Variants in LYPD6 observed in about 807,000 individuals in gnomAD.
LYPD6 encodes the protein LY6/PLAUR domain containing 6, also known as ly6/PLAUR domain-containing protein 6.
In LYPD6, 15 loss-of-function variants were observed where a neutral mutation model predicts 22.7. That is an observed-to-expected ratio of 0.66 (90% CI 0.44 to 1.02). The LOEUF is 1.02. LYPD6 is among the 50% of genes least tolerant of loss of function. The pLI is 0.00. For missense variants in LYPD6, 189 were observed against 208.4 expected, an observed-to-expected ratio of 0.91 and a Z score of 0.57; for synonymous variants, 72 against 77.5, an observed-to-expected ratio of 0.93 and a Z score of 0.37.
chr2:149,393,025 C>T (rs1283641549), intron 1 of LYPD6, among the ~76,000 whole-genome samples: 1 of 152,174 alleles, frequency 6.6e-6, no homozygotes, highest in East Asian at 1.9e-4. Context: ...GACTCCATCT[C>T]ACAAAGAAAG....
chr2:149,373,448 G>C (rs2105079878), intron 1 of LYPD6, among the ~76,000 whole-genome samples: 1 of 152,268 alleles, frequency 6.6e-6, no homozygotes. Context: ...CCAGGACTGT[G>C]TCCTGAGAAA....
At chr2:149,376,657 TA>T (rs1222217855) in intron 1 of LYPD6, among the ~76,000 whole-genome samples, 2 of 152,230 alleles carry the variant, frequency 1.3e-5, no homozygotes, top group African/African-American at 2.4e-5. Flanking sequence ...CTAATAAAAA[TA>T]TATTACTGGG....
chr2:149,386,832 A>G (rs1682197102), intron 1 of LYPD6, among the ~76,000 whole-genome samples: 1 of 152,184 alleles, frequency 6.6e-6, no homozygotes, highest in South Asian at 2.1e-4. Context: ...TACCTTCACT[A>G]CCTCTTGAGT....
At chr2:149,333,829 C>A (rs1479385939) in intron 1 of LYPD6, among the ~76,000 whole-genome samples, 5 of 152,240 alleles carry the variant, frequency 3.3e-5, no homozygotes, top group African/African-American at 1.2e-4. Flanking sequence ...CCAGATGTAA[C>A]ACAGATTGCA....
chr2:149,352,959 G>A (rs1054630616), intron 1 of LYPD6, among the ~76,000 whole-genome samples: 1 of 152,232 alleles, frequency 6.6e-6, no homozygotes, highest in Non-Finnish European at 1.5e-5. Flanking sequence ...GAGGAGGCCT[G>A]TCCACATGGA....
At chr2:149,444,659 T>G (rs1390213752) in intron 2 of LYPD6, among the ~76,000 whole-genome samples, 1 of 152,204 alleles carries the variant, frequency 6.6e-6, no homozygotes, top group Non-Finnish European at 1.5e-5. Flanking sequence ...AACGGCTTTT[T>G]TTTTTGCTCG....
At chr2:149,344,759 A>G (rs1270773849) in intron 1 of LYPD6, among the ~76,000 whole-genome samples, 1 of 152,182 alleles carries the variant, frequency 6.6e-6, no homozygotes, top group African/African-American at 2.4e-5. Context: ...GCGGGAGTGG[A>G]GGAAGGTATA....
chr2:149,414,764 C>T (rs1682925808), intron 1 of LYPD6, among the ~76,000 whole-genome samples: 1 of 152,142 alleles, frequency 6.6e-6, no homozygotes, highest in Admixed American at 6.5e-5. Context: ...ACTGAAAGGA[C>T]AAAATCCAAA....
chr2:149,427,539 A>G lies in LYPD6; in HGVS notation c.-71-10099A>G, dbSNP rs565316143. Among the ~76,000 whole-genome samples, 5 of 152,316 alleles carry G rather than the reference A, an allele frequency of 3.3e-5. No individual in the cohort carries two copies. The East Asian group carries it at 9.6e-4, about 29-fold the overall frequency. On this transcript the variant is annotated intron_variant, in intron 1 of 4. Transcript: ENST00000334166. Reference sequence around the variant, plus strand: ...TCAGTTCTCAAGAACCTTCAGATTGATGGAGAAAGCAAACAAGCACACAGC... The same window carrying G: ...TCAGTTCTCAAGAACCTTCAGATTGGTGGAGAAAGCAAACAAGCACACAGC...
intron 1 of LYPD6, among the ~76,000 whole-genome samples, chr2:149,389,080 A>T (rs1682250779): frequency 2.0e-5 from 3 of 152,136 alleles, no homozygotes; most frequent in Admixed American, 6.6e-5. Flanking sequence ...ACTTTAGGGG[A>T]AAGAAAGAGT....
chr2:149,342,238 C>G (rs1335243204), intron 1 of LYPD6, among the ~76,000 whole-genome samples: 1 of 152,136 alleles, frequency 6.6e-6, no homozygotes, highest in African/African-American at 2.4e-5. Flanking sequence ...CCCCATGACC[C>G]AAATGCTAGG....
At chr2:149,335,212 T>C (rs1275103055) in intron 1 of LYPD6, among the ~76,000 whole-genome samples, 2 of 152,096 alleles carry the variant, frequency 1.3e-5, no homozygotes, top group Admixed American at 6.5e-5. Context: ...AGCATTGTTA[T>C]CATAGGAGAT....
At chr2:149,484,977 G>A in the LYPD6 span, among the ~76,000 whole-genome samples, 4 of 152,102 alleles carry the variant, frequency 2.6e-5, no homozygotes, top group Admixed American at 1.3e-4. Flanking sequence ...CTACTTCTTA[G>A]CCTTGTTCTG....
At chr2:149,419,534 C>A (rs896804500) in intron 1 of LYPD6, among the ~76,000 whole-genome samples, 2 of 152,132 alleles carry the variant, frequency 1.3e-5, no homozygotes, top group African/African-American at 4.8e-5. Flanking sequence ...GCTAGTGGCT[C>A]CCAAATCGGA....
At chr2:149,412,036 G>A (rs1396903564) in intron 1 of LYPD6, among the ~76,000 whole-genome samples, 3 of 151,940 alleles carry the variant, frequency 2.0e-5, no homozygotes, top group Admixed American at 1.3e-4. Flanking sequence ...CCTATTATCA[G>A]GTATTTAGAT....
At chr2:149,365,551 T>C (rs1681644467) in intron 1 of LYPD6, among the ~76,000 whole-genome samples, 1 of 152,214 alleles carries the variant, frequency 6.6e-6, no homozygotes, top group Non-Finnish European at 1.5e-5. Flanking sequence ...CTGCATTTCT[T>C]ACGCTTATTT....
intron 1 of LYPD6, among the ~76,000 whole-genome samples, chr2:149,407,985 T>C (rs931687819): frequency 9.2e-5 from 14 of 152,218 alleles, no homozygotes; most frequent in Non-Finnish European, 1.8e-4. Context: ...TGTTGGAGTT[T>C]GCTAGAGGTC....
chr2:149,396,951 A>G (rs1033497239), intron 1 of LYPD6, among the ~76,000 whole-genome samples: 1 of 152,174 alleles, frequency 6.6e-6, no homozygotes, highest in African/African-American at 2.4e-5. Flanking sequence ...ATGGCTTATT[A>G]TTTGCATATA....
chr2:149,405,332 T>C (rs1682675210), intron 1 of LYPD6, among the ~76,000 whole-genome samples: 1 of 152,200 alleles, frequency 6.6e-6, no homozygotes, highest in Non-Finnish European at 1.5e-5. Flanking sequence ...CTTGTACCTC[T>C]GGTAGAATTT....
Sources: allele counts gnomAD v4.1 joint callset (sites outside exome capture counted in the v4.1 genomes callset), GRCh38; gene constraint gnomAD v4.1.1; transcripts MANE v1.5; gene names NCBI Gene and HGNC (gene_info 2026-07-23, HGNC 2026-07-21).